PTPRO: variants seen among roughly 807,000 people sequenced by gnomAD.
The protein encoded by PTPRO is receptor-type tyrosine-protein phosphatase O.
Under a neutral mutation model 145.2 loss-of-function variants are expected in PTPRO, and 62 were observed. That is an observed-to-expected ratio of 0.43 (90% CI 0.35 to 0.53). PTPRO has a LOEUF of 0.53. Among genes scored for constraint, PTPRO ranks in the 20% least tolerant of loss-of-function variants. PTPRO has a pLI of 0.01. For synonymous variants in PTPRO, 565 were observed against 514.7 expected (o/e 1.10, Z -1.32); for missense variants, 1,345 against 1,482.7 (o/e 0.91, Z 1.53).
chr12:15,371,362 A>ATCAGTGC (rs1458267701), intron 1 of PTPRO, among the ~76,000 whole-genome samples: 1 of 151,950 alleles, frequency 6.6e-6, no homozygotes, highest in African/African-American at 2.4e-5. Flanking sequence ...CTCCTGAGTA[A>ATCAGTGC]CTGAGATTAC....
chr12:15,515,927 G>A (rs1474279168), intron 8 of PTPRO, among the ~76,000 whole-genome samples: 2 of 151,430 alleles, frequency 1.3e-5, no homozygotes, highest in Non-Finnish European at 2.9e-5. Flanking sequence ...TGAGGTGGGA[G>A]GACTGCTTGA....
chr12:15,334,160 T>C (rs1866689202), intron 1 of PTPRO, among the ~76,000 whole-genome samples: 1 of 152,200 alleles, frequency 6.6e-6, no homozygotes, highest in South Asian at 2.1e-4. Context: ...AATTATTGTT[T>C]TTCTTCAAAA....
chr12:15,549,502 C>T (rs188623499), intron 14 of PTPRO, among the ~76,000 whole-genome samples: 1 of 152,210 alleles, frequency 6.6e-6, no homozygotes, highest in East Asian at 1.9e-4. Context: ...TATATGCTGT[C>T]TAAATGCTAG....
intron 1 of PTPRO, among the ~76,000 whole-genome samples, chr12:15,420,906 A>G (rs1940126248): frequency 6.6e-6 from 1 of 152,204 alleles, no homozygotes; most frequent in Non-Finnish European, 1.5e-5. Flanking sequence ...TCTACCACAT[A>G]CTAAGTATGC....
intron 1 of PTPRO, among the ~76,000 whole-genome samples, chr12:15,368,242 G>T (rs1938422181): frequency 1.3e-5 from 2 of 151,956 alleles, no homozygotes; most frequent in South Asian, 2.1e-4. Flanking sequence ...CCTCTATCTG[G>T]CATTCCCATC....
At chr12:15,485,584 G>A (rs544272199) in intron 2 of PTPRO, among the ~76,000 whole-genome samples, 1 of 152,042 alleles carries the variant, frequency 6.6e-6, no homozygotes. Flanking sequence ...GACCCGGGGG[G>A]AAAAATTAAG....
intron 15 of PTPRO, among the ~76,000 whole-genome samples, chr12:15,555,548 T>A (rs1943599135): frequency 6.6e-6 from 1 of 152,288 alleles, no homozygotes; most frequent in South Asian, 2.1e-4. Context: ...CATAGCGTAA[T>A]ACTCAACTCA....
At chr12:15,401,128 G>A (rs1301181377) in intron 1 of PTPRO, among the ~76,000 whole-genome samples, 1 of 152,196 alleles carries the variant, frequency 6.6e-6, no homozygotes, top group East Asian at 1.9e-4. Context: ...ACATGGGCCA[G>A]TGGTACAGAC....
At chr12:15,399,956 C>G (rs888021601) in intron 1 of PTPRO, among the ~76,000 whole-genome samples, 18 of 144,250 alleles carry the variant, frequency 1.2e-4, no homozygotes, top group Non-Finnish European at 2.7e-4. Context: ...GAGGCTGAGG[C>G]AGGAGAATCG....
intron 1 of PTPRO, among the ~76,000 whole-genome samples, chr12:15,377,980 A>C (rs984421692): frequency 2.6e-5 from 4 of 152,112 alleles, no homozygotes; most frequent in African/African-American, 7.2e-5. Context: ...AAAACTTACA[A>C]GATATAGCTA....
chr12:15,511,114 A>T (rs1177016752), intron 7 of PTPRO, among the ~76,000 whole-genome samples: 1 of 151,956 alleles, frequency 6.6e-6, no homozygotes, highest in Admixed American at 6.6e-5. Flanking sequence ...ACTGGTATCC[A>T]TTTGGAGGGA....
intron 1 of PTPRO, among the ~76,000 whole-genome samples, chr12:15,416,758 T>C (rs1387554012): frequency 6.6e-6 from 1 of 151,124 alleles, no homozygotes; most frequent in East Asian, 1.9e-4. Context: ...TGCTCCTCTC[T>C]TTCTCTAAGT....
chr12:15,538,686 A>G (rs1943117175), intron 12 of PTPRO, among the ~76,000 whole-genome samples: 1 of 152,188 alleles, frequency 6.6e-6, no homozygotes, highest in South Asian at 2.1e-4. Flanking sequence ...GCAAGTGCCC[A>G]CTCTGGAAAA....
intron 1 of PTPRO, among the ~76,000 whole-genome samples, chr12:15,443,376 G>A (rs1398366163): frequency 6.6e-6 from 1 of 151,952 alleles, no homozygotes; most frequent in Non-Finnish European, 1.5e-5. Context: ...TTAAACATAA[G>A]ACTTCAAACT....
chr12:15,564,110 T>C (rs968007116), intron 17 of PTPRO, among the ~76,000 whole-genome samples: 1 of 152,088 alleles, frequency 6.6e-6, no homozygotes, highest in Non-Finnish European at 1.5e-5. Context: ...ACTGGACTGA[T>C]TTTTCCCTCT....
intron 7 of PTPRO, among the ~76,000 whole-genome samples, chr12:15,509,669 A>G (rs1304817432): frequency 1.4e-5 from 2 of 147,098 alleles, no homozygotes; most frequent in South Asian, 2.2e-4. Flanking sequence ...CCTGGGCAAC[A>G]GAGTGAGACT....
intron 12 of PTPRO, among the ~76,000 whole-genome samples, chr12:15,535,669 C>T (rs1486228254): frequency 1.3e-5 from 2 of 152,178 alleles, no homozygotes; most frequent in Non-Finnish European, 2.9e-5. Context: ...ACTTTTTATC[C>T]ATCTGCTGCT....
At chr12:15,504,328 C>T (rs1190272150) in intron 6 of PTPRO, among the ~76,000 whole-genome samples, 1 of 151,908 alleles carries the variant, frequency 6.6e-6, no homozygotes, top group East Asian at 1.9e-4. Context: ...TTAAACTGAC[C>T]TTTCACATTA....
intron 1 of PTPRO, among the ~76,000 whole-genome samples, chr12:15,414,865 A>T (rs1307678828): frequency 6.6e-6 from 1 of 152,210 alleles, no homozygotes; most frequent in Non-Finnish European, 1.5e-5. Flanking sequence ...TCTCTTAGAA[A>T]AGTACCATTC....
Sources: gnomAD v4.1 joint callset for allele counts (sites outside exome capture counted in the v4.1 genomes callset) on GRCh38, gnomAD v4.1.1 for gene constraint, MANE v1.5 for transcripts, NCBI Gene and HGNC (gene_info 2026-07-23, HGNC 2026-07-21) for gene names.